The following MUC12 variants were observed in gnomAD, a reference collection of about 807,000 sequenced individuals.
The protein encoded by MUC12 is mucin 12, cell surface associated, also known as mucin-12.
A neutral mutation model predicts 230.8 loss-of-function variants in MUC12; 172 were observed. The ratio of observed to expected loss-of-function variants is 0.75; its 90% CI spans 0.66 to 0.85. The LOEUF is 0.85. Ranked by LOEUF, MUC12 falls within the 40% of genes least tolerant of loss-of-function variation. MUC12 has a pLI of 0.00. For synonymous variants in MUC12, 1,259 were observed against 2,401.9 expected (o/e 0.52, Z 13.91); for missense variants, 3,506 against 5,920.6 (o/e 0.59, Z 13.38).
At position 101,005,688 on chromosome 7, in the gene MUC12, C is replaced by T. The variant is rs960028692; in HGVS notation, c.14956+169C>T. Among the ~76,000 whole-genome samples the T allele has an allele frequency of 8.5e-5, 13 of 152,288 alleles. 1 individual carries two copies. The highest frequency in any genetic ancestry group is 2.6e-4 in the African/African-American group (11 of 41,562). On this transcript the variant is annotated intron_variant, in intron 2 of 11. Transcript: ENST00000536621. ...GATACCACTTCCAGTGTTCATGTGC[C>T]GTTCACTGGTCCCCACACATGTATG...
chr7:100,991,324 G>C lies in MUC12; in HGVS notation c.761G>C (p.Ser254Thr). ...GLLEASTPVH[S>T]STGSPHTTLS... ...CTTGAAGCATCTACGCCCGTCCACA[G>C]CAGCACTGGATCGCCACACACAACA... The change falls in exon 2 of 12, where the codon AGC becomes ACC. Residue 254 changes from serine (S) to threonine (T), a missense_variant. Coordinates refer to ENST00000536621, the MANE Select transcript of MUC12 (RefSeq NM_001164462.2). The C allele has an allele frequency of 6.5e-7, 1 of 1,537,730 alleles. No individual in the cohort carries two copies. Among genetic ancestry groups the C allele is most frequent in the Non-Finnish European group, 8.7e-7 (1 of 1,147,026 alleles).
rs1462467000 is a variant in MUC12 at position 100,991,679 on chromosome 7, C to T, written c.1116C>T (p.His372=). The T allele has an allele frequency of 2.0e-6, 3 of 1,537,560 alleles. No homozygotes were observed. Among genetic ancestry groups the T allele is most frequent in the African/African-American group, 1.4e-5 (1 of 73,044 alleles). The change falls in exon 2 of 12, where the codon CAC becomes CAT. Residue 372 remains histidine (H), a synonymous_variant. Coordinates refer to ENST00000536621, the MANE Select transcript of MUC12 (RefSeq NM_001164462.2). ...HRSPGSTQTM[H]FPESSTTSGH... ...GCCCGGGCTCAACTCAAACAATGCACTTCCCTGAAAGCTCCACAACTTCAG... is the reference window on the plus strand; with the variant it reads ...GCCCGGGCTCAACTCAAACAATGCATTTCCCTGAAAGCTCCACAACTTCAG...
intron 6 of MUC12, 63 bp downstream of exon 6, chr7:101,012,510 C>A: frequency 6.8e-7 from 1 of 1,469,998 alleles, no homozygotes. Context: ...CTTGACCTCT[C>A]CCTCCTCTAC....
At position 101,016,023 on chromosome 7, in the gene MUC12, G is replaced by A. The variant is rs554819092; in HGVS notation, c.15877+332G>A. Among the ~76,000 whole-genome samples the A allele has an allele frequency of 5.9e-5, 9 of 152,274 alleles. No homozygotes were observed. The East Asian group carries it at 1.7e-3, about 29-fold the overall frequency. On this transcript the variant is annotated intron_variant, in intron 10 of 11. Coordinates refer to ENST00000536621, the MANE Select transcript of MUC12 (RefSeq NM_001164462.2). ...CTGACCCAGCCTGGGTGGGGATAGG[G>A]GGTCAGATTAGCCCCCAGGTGAGAC... is the stretch of plus-strand genomic sequence containing the variant.
At position 101,004,698 on chromosome 7, in the gene MUC12, C is replaced by G; in HGVS notation, c.14135C>G (p.Thr4712Ser). 6.5e-7 allele frequency: 1 copy of G among 1,537,846 alleles called. No individual in the cohort carries two copies. The highest frequency in any genetic ancestry group is 8.7e-7 in the Non-Finnish European group (1 of 1,147,048). The change falls in exon 2 of 12, where the codon ACC (threonine) becomes AGC (serine). Residue 4712 changes from threonine to serine, a missense_variant. Transcript: ENST00000536621. The part of the protein sequence containing the change: ...FTTSGRIAES[T>S]TFYISPGSME... ...ACCTCAGGCCGCATTGCAGAATCTA[C>G]CACCTTCTATATCTCTCCAGGCTCA... is the stretch of plus-strand genomic sequence containing the variant.
intron 1 of MUC12, among the ~76,000 whole-genome samples, chr7:100,984,201 G>A (rs1793152640): frequency 6.6e-6 from 1 of 151,970 alleles, no homozygotes; most frequent in South Asian, 2.1e-4. Context: ...TCTCAAAGAG[G>A]GGAGAGCGGA....
rs1008772843 is a variant in MUC12, at chr7:101,005,404, C to G, written c.14841C>G (p.Leu4947=). 7 of 1,537,814 alleles carry G rather than the reference C, an allele frequency of 4.6e-6. No homozygotes were observed. Among genetic ancestry groups the G allele is most frequent in the African/African-American group, 4.1e-5 (3 of 73,022 alleles). ...YISPSPTYTT[L]FPASSSTSGL... The stretch of plus-strand genomic sequence containing the variant: ...GCCCATCCCCTACTTACACAACACT[C>G]TTTCCTGCGAGTTCCAGCACATCAG... The change falls in exon 2 of 12, where the codon CTC becomes CTG. Residue 4947 remains leucine, a synonymous_variant. Coordinates refer to ENST00000536621, the MANE Select transcript of MUC12 (RefSeq NM_001164462.2).
At chr7:100,981,866 CTTT>C (rs533760849) in intron 1 of MUC12, among the ~76,000 whole-genome samples, 2 of 124,856 alleles carry the variant, frequency 1.6e-5, no homozygotes, top group South Asian at 2.9e-4. Context: ...GCTGCTGCTG[CTTT>C]TTTTTTTTTT....
In MUC12 at chr7:101,002,885, C is replaced by A. The variant is rs1390842686; in HGVS notation, c.12322C>A (p.His4108Asn). 3 of 1,185,680 alleles carry A rather than the reference C, an allele frequency of 2.5e-6. No homozygotes were observed. Among genetic ancestry groups the A allele is most frequent in the Non-Finnish European group, 3.5e-6 (3 of 855,568 alleles). The allele number at this position is 1,185,680 out of a possible 1,614,324, so 73.4% of individuals were successfully genotyped here. Residue 4108 changes from histidine to asparagine, a missense_variant, in exon 2 of 12, where the codon CAC becomes AAC. Transcript: ENST00000536621. The part of the protein sequence containing the change: ...AVPVEVSTTY[H>N]SRPSSTPTTH... Reference sequence around the variant, plus strand: ...CCCTGTTGAAGTATCCACAACCTACCACAGCCGCCCGAGCTCAACTCCAAC... The same window carrying A: ...CCCTGTTGAAGTATCCACAACCTACAACAGCCGCCCGAGCTCAACTCCAAC...
At chr7:101,014,206 T>C (rs1342556155) in intron 9 of MUC12, 132 bp downstream of exon 9, 4 of 1,090,302 alleles carry the variant, frequency 3.7e-6, no homozygotes, top group Admixed American at 6.4e-5. Flanking sequence ...CCAGATGGGG[T>C]GCCCAGACCC....
intron 2 of MUC12, among the ~76,000 whole-genome samples, chr7:101,006,057 C>T (rs570723748): frequency 2.0e-4 from 31 of 152,286 alleles, no homozygotes; most frequent in African/African-American, 7.0e-4. Context: ...CTCAGCCTCC[C>T]AAAGTGCTGG....
intron 8 of MUC12, 133 bp downstream of exon 8, chr7:101,013,275 T>A: frequency 2.1e-6 from 2 of 957,784 alleles, no homozygotes; most frequent in Non-Finnish European, 3.1e-6. Context: ...TGGACATACC[T>A]CTCCCCTGTA....
In MUC12 at chr7:100,969,590, A is replaced by ACG; in HGVS notation, c.-33_-32insCG. On this transcript the variant is annotated 5_prime_UTR_variant, in exon 1 of 12. Transcript: ENST00000536621. ...ATTTCTTGGTCCCTCCTGATGAGAG[A>ACG]AGATGGGCAGCCAGGGGCCCGTTCC... 3.3e-6 allele frequency: 5 copies of ACG among 1,537,410 alleles called. No individual in the cohort carries two copies. The highest frequency in any genetic ancestry group is 4.4e-6 in the Non-Finnish European group (5 of 1,146,934).
In MUC12 at chr7:101,004,782, T is replaced by G. The variant is rs1475995944; in HGVS notation, c.14219T>G (p.Ile4740Ser). 1 of 1,537,474 alleles carries G rather than the reference T, an allele frequency of 6.5e-7. No homozygotes were observed. Among genetic ancestry groups the G allele is most frequent in the Non-Finnish European group, 8.7e-7 (1 of 1,146,988 alleles). ...TTPGLSAKST[I>S]LYSSSRSPDQ... is the part of the protein sequence containing the mutation. The stretch of plus-strand genomic sequence containing the variant: ...CCAGGCCTCAGTGCAAAATCTACCA[T>G]CCTTTACAGTAGCTCCAGATCACCA... The change falls in exon 2 of 12, where the codon ATC (isoleucine) becomes AGC (serine). Residue 4740 changes from isoleucine to serine, a missense_variant. Coordinates refer to ENST00000536621, the MANE Select transcript of MUC12 (RefSeq NM_001164462.2).
chr7:101,008,797 T>G (rs1203155126), intron 4 of MUC12, 36 bp downstream of exon 4: 4 of 1,517,368 alleles, frequency 2.6e-6, no homozygotes, highest in South Asian at 1.2e-5. Context: ...CCCAGGGTGA[T>G]GTCCCACGTG....
chr7:101,003,394 C>G lies in MUC12; in HGVS notation c.12831C>G (p.Ser4277Arg), dbSNP rs1437356543. 2.0e-6 allele frequency: 3 copies of G among 1,523,888 alleles called. No homozygotes were observed. In the African/African-American group the frequency reaches 4.5e-5, roughly 23 times the overall value. The allele number at this position is 1,523,888 out of a possible 1,614,324, so 94.4% of individuals were successfully genotyped here. A position where few individuals can be genotyped will look rare whatever the true frequency, so the allele number is the denominator to read the frequency against. Reference sequence around the variant, plus strand: ...GTCCAGAATCTACTACCTTCCACAGCAGCCCAGGCTCCACTGAAACAACAC... The same window carrying G: ...GTCCAGAATCTACTACCTTCCACAGGAGCCCAGGCTCCACTGAAACAACAC... Reference protein sequence around the residue: ...SLGPESTTFHSSPGSTETTLL... With the variant: ...SLGPESTTFHRSPGSTETTLL... The change falls in exon 2 of 12, where the codon AGC (serine) becomes AGG (arginine). Residue 4277 changes from serine (S) to arginine (R), a missense_variant. Coordinates refer to ENST00000536621, the MANE Select transcript of MUC12 (RefSeq NM_001164462.2).
chr7:101,017,504 G>C, intron 10 of MUC12, 71 bp from the exon 11 acceptor site: 1 of 986,014 alleles, frequency 1.0e-6, no homozygotes. Context: ...TTTTGCCAGA[G>C]GAAATCCCCT....
chr7:100,983,967 C>A (rs893074647), intron 1 of MUC12, among the ~76,000 whole-genome samples: 1 of 152,154 alleles, frequency 6.6e-6, no homozygotes, highest in Non-Finnish European at 1.5e-5. Flanking sequence ...GCAGGAAAGT[C>A]CACCCTGCTG....
In MUC12 at chr7:101,004,392, G is replaced by C. The variant is rs1169086080; in HGVS notation, c.13829G>C (p.Gly4610Ala). Reference sequence around the variant, plus strand: ...TCTACGGCGTACCACAGCAGCCCGGGCTCAACTCAAACAATGCACTTCCCT... The same window carrying C: ...TCTACGGCGTACCACAGCAGCCCGGCCTCAACTCAAACAATGCACTTCCCT... ...EESTAYHSSP[G>A]STQTMHFPES... Residue 4610 changes from glycine to alanine, a missense_variant, in exon 2 of 12, where the codon GGC becomes GCC. Transcript: ENST00000536621. The C allele has an allele frequency of 6.7e-7, 1 of 1,488,508 alleles. No homozygotes were observed. Among genetic ancestry groups the C allele is most frequent in the Admixed American group, 2.2e-5 (1 of 46,472 alleles). The allele number at this position is 1,488,508 out of a possible 1,614,324, so 92.2% of individuals were successfully genotyped here. A position where few individuals can be genotyped will look rare whatever the true frequency, so the allele number is the denominator to read the frequency against.
Sources: gnomAD v4.1 joint callset for allele counts (sites outside exome capture counted in the v4.1 genomes callset) on GRCh38, gnomAD v4.1.1 for gene constraint, MANE v1.5 for transcripts, NCBI Gene and HGNC (gene_info 2026-07-23, HGNC 2026-07-21) for gene names.